Variants in HAS1 observed in about 807,000 individuals in gnomAD.
HAS1 encodes hyaluronan synthase 1, also known as HA synthase 1.
HAS1 carries 27 observed loss-of-function variants against 35.0 expected under a neutral mutation model. The ratio of observed to expected loss-of-function variants is 0.77; its 90% CI spans 0.57 to 1.06. HAS1 has a LOEUF of 1.06. Among genes scored for constraint, HAS1 ranks in the 50% least tolerant of loss-of-function variants. The pLI is 0.00. For missense variants in HAS1, 940 were observed against 814.8 expected (o/e 1.15, Z -1.87); for synonymous variants, 409 against 371.2 (o/e 1.10, Z -1.17).
rs958904796 is a variant in HAS1, at chr19:51,713,357, G to A, written c.*70C>T. The A allele has an allele frequency of 7.2e-7, 1 of 1,381,146 alleles. No homozygotes were observed. Among genetic ancestry groups the A allele is most frequent in the Non-Finnish European group, 9.5e-7 (1 of 1,055,790 alleles). The allele number at this position is 1,381,146 out of a possible 1,614,324, so 85.6% of individuals were successfully genotyped here. A position where few individuals can be genotyped will look rare whatever the true frequency, so the allele number is the denominator to read the frequency against. On this transcript the variant is annotated 3_prime_UTR_variant, in exon 5 of 5. Transcript: ENST00000540069. The surrounding 1 kb of genome is among the most constrained non-coding windows in gnomAD (Gnocchi z 4.5). ...CCAGAGAACCACCCAGCAAGTTCGTGGCTCGGGGCCCAGCAGCTCTCCTCT... is the reference window on the plus strand; with the variant it reads ...CCAGAGAACCACCCAGCAAGTTCGTAGCTCGGGGCCCAGCAGCTCTCCTCT...
chr19:51,715,989 C>T (rs969275541), intron 4 of HAS1, among the ~76,000 whole-genome samples: 5 of 152,136 alleles, frequency 3.3e-5, no homozygotes, highest in South Asian at 2.1e-4. Context: ...TAGAGTTCAC[C>T]GCATTCCATG....
chr19:51,714,397 A>AATAAATAAATAAATAG (rs1250198273), intron 4 of HAS1, among the ~76,000 whole-genome samples: 8 of 149,308 alleles, frequency 5.4e-5, no homozygotes, highest in Admixed American at 6.6e-5. Flanking sequence ...TAAATAAATA[A>AATAAATAAATAAATAG]GCACCAATGG....
At chr19:51,722,072 C>T (rs1339320025) in intron 1 of HAS1, among the ~76,000 whole-genome samples, 2 of 152,180 alleles carry the variant, frequency 1.3e-5, no homozygotes, top group East Asian at 3.9e-4. Context: ...TAAACTGCCT[C>T]CTATGCCACC....
At chr19:51,720,091 T>C in intron 1 of HAS1, 196 bp from the exon 2 acceptor site, 1 of 525,014 alleles carries the variant, frequency 1.9e-6, no homozygotes, top group Non-Finnish European at 3.3e-6. Context: ...TCTCTCTCTC[T>C]CGCTCTCGCT....
rs756545383 is a variant in HAS1 at position 51,714,088 on chromosome 19, G to A, written c.1073C>T (p.Ser358Phe). ...CGAGGGCGTCTCTGAGTAGCAGCGG[G>A]ACCTGGAGGTGTACCTGCACGGGGG... ...MGYATKYTSR[S>F]RCYSETPSSF... The change falls in exon 5 of 5, where the codon TCC becomes TTC. Residue 358 changes from serine (S) to phenylalanine (F), a missense_variant. Physicochemically the swap from Ser to Phe is radical, Grantham distance 155 (BLOSUM62 -2). Coordinates refer to ENST00000540069, the MANE Select transcript of HAS1 (RefSeq NM_001297436.2). 35 of 1,612,350 alleles carry A rather than the reference G, an allele frequency of 2.2e-5. No individual in the cohort carries two copies. Among genetic ancestry groups the A allele is most frequent in the Non-Finnish European group, 2.9e-5 (34 of 1,179,388 alleles).
rs543130474 is a variant in HAS1 at position 51,719,653 on chromosome 19, C to T, written c.252G>A (p.Ala84=). The change falls in exon 2 of 5, where the codon GCG becomes GCA. Residue 84 remains alanine (A), a synonymous_variant. Coordinates refer to ENST00000540069, the MANE Select transcript of HAS1 (RefSeq NM_001297436.2). ...CGGTGGCTGCATCCAGCGGCCCCCG[C>T]GCCGCCGCCGCCACCCGCCGGTGCT... ...YLEHRRVAAA[A]RGPLDAATAR... 6.5e-7 allele frequency: 1 copy of T among 1,538,520 alleles called. No homozygotes were observed. Among genetic ancestry groups the T allele is most frequent in the African/African-American group, 1.4e-5 (1 of 72,272 alleles).
rs746490264 is a variant in HAS1, at chr19:51,716,960, C to G, written c.925+8G>C. 1 of 1,596,058 alleles carries G rather than the reference C, an allele frequency of 6.3e-7. No homozygotes were observed. Among genetic ancestry groups the G allele is most frequent in the South Asian group, 1.1e-5 (1 of 90,720 alleles). ...TCCACAGCCCTCCCAATCTCTGCCC[C>G]TGCTTACCTAGAGGACCGCTGATGC... On this transcript the variant is annotated splice_region_variant and intron_variant, in intron 3 of 4. Coordinates refer to ENST00000540069, the MANE Select transcript of HAS1 (RefSeq NM_001297436.2).
At chr19:51,714,919 T>G (rs1192682732) in intron 4 of HAS1, among the ~76,000 whole-genome samples, 1 of 152,162 alleles carries the variant, frequency 6.6e-6, no homozygotes, top group Non-Finnish European at 1.5e-5. Context: ...AATACTACCA[T>G]GCTTACTATT....
In HAS1 at chr19:51,719,867, C is replaced by T. The variant is rs1365367701; in HGVS notation, c.38G>A (p.Cys13Tyr). Residue 13 changes from cysteine (C) to tyrosine (Y), a missense_variant, in exon 2 of 5, where the codon TGC (cysteine) becomes TAC (tyrosine). Coordinates refer to ENST00000540069, the MANE Select transcript of HAS1 (RefSeq NM_001297436.2). ...CCTCCGGGCCAGGCCGGAGCAGCGG[C>T]AGGCTGCAGGAGTGGGCTTGGGCGC... Reference protein sequence around the residue: ...QDAPKPTPAACRCSGLARRVL... With the variant: ...QDAPKPTPAAYRCSGLARRVL... 3 of 1,543,188 alleles carry T rather than the reference C, an allele frequency of 1.9e-6. No individual in the cohort carries two copies. The highest frequency in any genetic ancestry group is 1.9e-5 in the Admixed American group (1 of 51,318).
At chr19:51,720,026 C>A in intron 1 of HAS1, 131 bp from the exon 2 acceptor site, 1 of 592,774 alleles carries the variant, frequency 1.7e-6, no homozygotes, top group Non-Finnish European at 2.9e-6. Context: ...CTCTCCCTCC[C>A]TCCGTCCTTC....
At chr19:51,719,939 C>A (rs1246633465) in intron 1 of HAS1, 44 bp from the exon 2 acceptor site, 3 of 1,279,406 alleles carry the variant, frequency 2.3e-6, no homozygotes, top group Non-Finnish European at 3.2e-6. Flanking sequence ...GAGTCCCGGG[C>A]GCATGAGCCT....
chr19:51,720,561 T>C (rs1042506342), intron 1 of HAS1, among the ~76,000 whole-genome samples: 14 of 152,090 alleles, frequency 9.2e-5, no homozygotes, highest in African/African-American at 3.4e-4. Flanking sequence ...GGCACCATCA[T>C]AGCTCACTGC....
chr19:51,713,347 G>A lies in HAS1; in HGVS notation c.*80C>T. 2 of 1,335,274 alleles carry A rather than the reference G, an allele frequency of 1.5e-6. No individual in the cohort carries two copies. The highest frequency in any genetic ancestry group is 2.0e-6 in the Non-Finnish European group (2 of 1,015,046). The allele number at this position is 1,335,274 out of a possible 1,614,324, so 82.7% of individuals were successfully genotyped here. A position where few individuals can be genotyped will look rare whatever the true frequency, so the allele number is the denominator to read the frequency against. On this transcript the variant is annotated 3_prime_UTR_variant, in exon 5 of 5. Transcript: ENST00000540069. The surrounding 1 kb of genome is among the most constrained non-coding windows in gnomAD (Gnocchi z 4.5). ...AAACTGAGGCCCAGAGAACCACCCA[G>A]CAAGTTCGTGGCTCGGGGCCCAGCA...
chr19:51,718,374 A>C (rs79657037), intron 2 of HAS1, among the ~76,000 whole-genome samples: 1 of 152,172 alleles, frequency 6.6e-6, no homozygotes, highest in Non-Finnish European at 1.5e-5. Context: ...AGGGGAAAGG[A>C]AGGAGGGAAG....
At chr19:51,714,588 G>C (rs1261399594) in intron 4 of HAS1, among the ~76,000 whole-genome samples, 1 of 149,198 alleles carries the variant, frequency 6.7e-6, no homozygotes, top group Non-Finnish European at 1.5e-5. Context: ...CTATTTGGGA[G>C]GCTGAGATGG....
intron 4 of HAS1, among the ~76,000 whole-genome samples, chr19:51,714,428 C>T (rs1372891842): frequency 6.8e-6 from 1 of 146,748 alleles, no homozygotes; most frequent in Admixed American, 6.8e-5. Flanking sequence ...ATGGCTCATG[C>T]CTGTAATCCC....
At chr19:51,717,268 G>T in intron 2 of HAS1, 75 bp from the exon 3 acceptor site, 2 of 990,108 alleles carry the variant, frequency 2.0e-6, no homozygotes, top group African/African-American at 1.6e-5. Context: ...GCATCAAGGG[G>T]TGCAATGCAG....
Position 51,719,314 on chromosome 19 carries a change from C to T in HAS1, c.591G>A (p.Ala197=), listed in dbSNP as rs779923824. Residue 197 remains alanine, a synonymous_variant, in exon 2 of 5, where the codon GCG becomes GCA. Transcript: ENST00000540069. ...ACACGCACCTGCGAGTCCTCACCAG[C>T]GCCTCCACTGCCAGCCGCCCAGGAT... ...AEDPGRLAVE[A]LVRTRRCVCV... 9 of 1,612,610 alleles carry T rather than the reference C, an allele frequency of 5.6e-6. No individual in the cohort carries two copies. The Admixed American group carries it at 1.3e-4, about 24-fold the overall frequency.
rs1474834071 is a variant in HAS1, at chr19:51,714,056, G to A, written c.1105C>T (p.Leu369=). The A allele has an allele frequency of 1.2e-6, 2 of 1,613,624 alleles. No individual in the cohort carries two copies. The highest frequency in any genetic ancestry group is 1.7e-6 in the Non-Finnish European group (2 of 1,179,898). Residue 369 remains leucine (L), a synonymous_variant, in exon 5 of 5, where the codon CTG becomes TTG. Coordinates refer to ENST00000540069, the MANE Select transcript of HAS1 (RefSeq NM_001297436.2). Reference sequence around the variant, plus strand: ...CGTGTCTGCTGGCTCAGCCACCGCAGGAAGGACGAGGGCGTCTCTGAGTAG... The same window carrying A: ...CGTGTCTGCTGGCTCAGCCACCGCAAGAAGGACGAGGGCGTCTCTGAGTAG... ...RCYSETPSSF[L]RWLSQQTRWS... is the part of the protein sequence containing the mutation.
Sources: gnomAD v4.1 joint callset for allele counts (sites outside exome capture counted in the v4.1 genomes callset) on GRCh38, gnomAD v4.1.1 for gene constraint, Gnocchi (gnomAD v3.1) non-coding constraint, MANE v1.5 for transcripts, NCBI Gene and HGNC (gene_info 2026-07-23, HGNC 2026-07-21) for gene names.